Variants in FAF1 observed in about 807,000 individuals in gnomAD.
FAF1 encodes FAS-associated factor 1.
Under a neutral mutation model 92.5 loss-of-function variants are expected in FAF1, and 25 were observed. The observed-to-expected ratio is 0.27, with a 90% CI of 0.20 to 0.38. The LOEUF (loss-of-function observed/expected upper bound fraction) is 0.38, where lower values mean the gene tolerates loss of function less well. FAF1 is among the 10% of genes least tolerant of loss of function. The pLI is 1.00. For synonymous variants in FAF1, 234 were observed against 273.2 expected (o/e 0.86, Z 1.42); for missense variants, 636 against 793.3 (o/e 0.80, Z 2.38).
chr1:50,739,907 C>T (rs1017707721), intron 5 of FAF1, among the ~76,000 whole-genome samples: 1 of 152,164 alleles, frequency 6.6e-6, no homozygotes, highest in Non-Finnish European at 1.5e-5. Context: ...AATTCACATA[C>T]ATTTCAAACT....
intron 2 of FAF1, among the ~76,000 whole-genome samples, chr1:50,811,011 C>A (rs1435021626): frequency 1.3e-5 from 2 of 152,098 alleles, no homozygotes; most frequent in African/African-American, 2.4e-5. Flanking sequence ...TGCCACTGTT[C>A]CAGCCTGGGT....
intron 4 of FAF1, among the ~76,000 whole-genome samples, chr1:50,786,807 G>C (rs1557527281): frequency 6.6e-6 from 1 of 152,142 alleles, no homozygotes; most frequent in African/African-American, 2.4e-5. Context: ...GTAGGGGCTT[G>C]ATCAAACAGG....
At chr1:50,767,029 G>A (rs930838873) in intron 4 of FAF1, among the ~76,000 whole-genome samples, 1 of 152,100 alleles carries the variant, frequency 6.6e-6, no homozygotes, top group Non-Finnish European at 1.5e-5. Context: ...AGATCATCAA[G>A]ATTCAGGAGA....
At chr1:50,952,687 C>T (rs1645227029) in intron 1 of FAF1, among the ~76,000 whole-genome samples, 2 of 151,684 alleles carry the variant, frequency 1.3e-5, no homozygotes, top group African/African-American at 4.8e-5. Context: ...GGCCGCCCAT[C>T]GTCTGAGATG....
At chr1:50,922,223 C>T (rs897386765) in intron 1 of FAF1, among the ~76,000 whole-genome samples, 1 of 151,250 alleles carries the variant, frequency 6.6e-6, no homozygotes, top group Non-Finnish European at 1.5e-5. Flanking sequence ...CTTTGGGAGG[C>T]CAAGGCAGGC....
intron 5 of FAF1, among the ~76,000 whole-genome samples, chr1:50,741,762 C>G (rs1659396872): frequency 6.6e-6 from 1 of 152,132 alleles, no homozygotes; most frequent in Admixed American, 6.5e-5. Flanking sequence ...GTTTTGGATT[C>G]AGCAGTGGCT....
At chr1:50,723,192 G>C (rs1569836755) in intron 6 of FAF1, among the ~76,000 whole-genome samples, 2 of 152,128 alleles carry the variant, frequency 1.3e-5, no homozygotes, top group Admixed American at 1.3e-4. Context: ...CCTGAGTTCA[G>C]AAGTTTGAGA....
intron 6 of FAF1, among the ~76,000 whole-genome samples, chr1:50,719,613 T>G (rs1343335020): frequency 6.6e-6 from 1 of 152,242 alleles, no homozygotes; most frequent in Non-Finnish European, 1.5e-5. Context: ...TAATTAGTGA[T>G]GATAGTGATA....
intron 7 of FAF1, among the ~76,000 whole-genome samples, chr1:50,682,302 C>T (rs534436651): frequency 1.3e-5 from 2 of 151,790 alleles, no homozygotes; most frequent in African/African-American, 4.8e-5. Context: ...GAGTTCCAGA[C>T]AAGCCTGAGC....
chr1:50,732,370 T>C lies in FAF1; in HGVS notation c.551+6493A>G, dbSNP rs1158756123. Among the ~76,000 whole-genome samples, 5 of 152,280 alleles carry C rather than the reference T, an allele frequency of 3.3e-5. No homozygotes were observed. In the East Asian group the frequency reaches 9.7e-4, roughly 29 times the overall value. On this transcript the variant is annotated intron_variant, in intron 6 of 18. Transcript: ENST00000396153. ...GATTATAGGCATGAGCCACCACACC[T>C]GGCCTTAAATACATTATTTTCTGAA...
At chr1:50,881,518 C>T (rs1644612120) in intron 1 of FAF1, among the ~76,000 whole-genome samples, 1 of 152,182 alleles carries the variant, frequency 6.6e-6, no homozygotes, top group Non-Finnish European at 1.5e-5. Flanking sequence ...CTCCCTCACA[C>T]TACCAAAAGA....
intron 18 of FAF1, among the ~76,000 whole-genome samples, chr1:50,443,062 G>C (rs1045207175): frequency 6.6e-6 from 1 of 152,178 alleles, no homozygotes; most frequent in African/African-American, 2.4e-5. Context: ...TCAACAAACA[G>C]AGCTACTCTG....
At chr1:50,603,364 C>T (rs183708562) in intron 8 of FAF1, among the ~76,000 whole-genome samples, 1 of 152,274 alleles carries the variant, frequency 6.6e-6, no homozygotes, top group East Asian at 1.9e-4. Flanking sequence ...TACCAGATGG[C>T]AAACCAGATT....
At chr1:50,855,380 G>C (rs1392203385) in intron 2 of FAF1, among the ~76,000 whole-genome samples, 1 of 151,634 alleles carries the variant, frequency 6.6e-6, no homozygotes, top group African/African-American at 2.4e-5. Flanking sequence ...GCCTAACTCA[G>C]ATTCCTTTAC....
At chr1:50,769,926 C>T (rs772231237) in intron 4 of FAF1, among the ~76,000 whole-genome samples, 2 of 152,120 alleles carry the variant, frequency 1.3e-5, no homozygotes, top group East Asian at 3.8e-4. Context: ...TGGCCCATGC[C>T]TATAGTCCCA....
chr1:50,917,842 C>T (rs939790598), intron 1 of FAF1, among the ~76,000 whole-genome samples: 11 of 152,086 alleles, frequency 7.2e-5, no homozygotes, highest in Non-Finnish European at 1.0e-4. Flanking sequence ...AGAAAATGTT[C>T]GCAATACATT....
At chr1:50,594,142 G>A (rs1005625980) in intron 9 of FAF1, among the ~76,000 whole-genome samples, 3 of 151,686 alleles carry the variant, frequency 2.0e-5, no homozygotes, top group Non-Finnish European at 2.9e-5. Flanking sequence ...GTGAAACCCC[G>A]TCTCTATTAA....
chr1:50,530,033 C>G (rs965215928), intron 15 of FAF1, among the ~76,000 whole-genome samples: 1 of 152,140 alleles, frequency 6.6e-6, no homozygotes, highest in African/African-American at 2.4e-5. Context: ...TAATCATCAA[C>G]AGTTAACACA....
intron 5 of FAF1, among the ~76,000 whole-genome samples, chr1:50,743,616 C>T (rs36018827): frequency 1.2e-3 from 188 of 152,300 alleles, no homozygotes; most frequent in Admixed American, 2.9e-3. Flanking sequence ...GCGTGAGCCA[C>T]TGCGCCCAGC....
Sources: allele counts gnomAD v4.1 joint callset (sites outside exome capture counted in the v4.1 genomes callset), GRCh38; gene constraint gnomAD v4.1.1; transcripts MANE v1.5; gene names NCBI Gene and HGNC (gene_info 2026-07-23, HGNC 2026-07-21).